The following ARIH1 variants were observed in gnomAD, a reference collection of about 807,000 sequenced individuals.
The protein encoded by ARIH1 is E3 ubiquitin-protein ligase ARIH1.
In ARIH1, 8 loss-of-function variants were observed where a neutral mutation model predicts 85.0. The observed-to-expected ratio is 0.09, with a 90% CI of 0.06 to 0.17. ARIH1 has a LOEUF of 0.17. ARIH1 is among the 10% of genes least tolerant of loss of function. ARIH1 has a pLI of 1.00. For synonymous variants in ARIH1, 238 were observed against 253.6 expected, an observed-to-expected ratio of 0.94 and a Z score of 0.59; for missense variants, 311 against 718.1, an observed-to-expected ratio of 0.43 and a Z score of 6.48.
intron 11 of ARIH1, among the ~76,000 whole-genome samples, chr15:72,576,717 G>A (rs1191673049): frequency 6.6e-6 from 1 of 151,754 alleles, no homozygotes; most frequent in East Asian, 1.9e-4. Flanking sequence ...TAGATACATT[G>A]TTGCTTTGAT....
At chr15:72,515,772 C>T (rs2063972318) in intron 1 of ARIH1, among the ~76,000 whole-genome samples, 1 of 152,158 alleles carries the variant, frequency 6.6e-6, no homozygotes, top group South Asian at 2.1e-4. Context: ...TGAAAGCCTC[C>T]CTTACACTTC....
In ARIH1 at chr15:72,590,450, C is replaced by T. The variant is rs917658217; in HGVS notation, c.*7158C>T. On this transcript the variant is annotated 3_prime_UTR_variant, in exon 14 of 14. Transcript: ENST00000379887. ...CTGTTCAGAAGTACTCAAAGTATTC[C>T]TTTTTTCTCACATTTGAGAGTCACT... The T allele has an allele frequency of 7.9e-5, 12 of 152,148 alleles. No homozygotes were observed. The highest frequency in any genetic ancestry group is 2.9e-4 in the African/African-American group (12 of 41,430). The allele number at this position is 152,148 out of a possible 1,614,324, so 9.4% of individuals were successfully genotyped here. A position where few individuals can be genotyped will look rare whatever the true frequency, so the allele number is the denominator to read the frequency against.
chr15:72,565,224 TTTTA>T (rs565915795), intron 7 of ARIH1, among the ~76,000 whole-genome samples: 168 of 152,082 alleles, frequency 1.1e-3, no homozygotes, highest in African/African-American at 3.9e-3. Context: ...CCTGGCTAAT[TTTTA>T]TTTATTTATT....
At chr15:72,485,620 T>C (rs955019210) in intron 1 of ARIH1, among the ~76,000 whole-genome samples, 4 of 152,188 alleles carry the variant, frequency 2.6e-5, no homozygotes, top group African/African-American at 9.7e-5. Flanking sequence ...TTGTTTTTTA[T>C]ATAACTATCA....
At chr15:72,566,309 T>C in intron 7 of ARIH1, 1 of 431,078 alleles carries the variant, frequency 2.3e-6, no homozygotes, top group Middle Eastern at 6.0e-4. Flanking sequence ...ACAATTATTA[T>C]GAAATTGTCA....
At chr15:72,491,520 C>CATAG (rs2063859323) in intron 1 of ARIH1, among the ~76,000 whole-genome samples, 1 of 152,116 alleles carries the variant, frequency 6.6e-6, no homozygotes, top group African/African-American at 2.4e-5. Context: ...GTTCCTGGAA[C>CATAG]ATAGCTGTTA....
At chr15:72,487,346 A>G (rs2063841659) in intron 1 of ARIH1, among the ~76,000 whole-genome samples, 1 of 152,210 alleles carries the variant, frequency 6.6e-6, no homozygotes, top group Admixed American at 6.5e-5. Context: ...AACTGGCTCT[A>G]ATTACCTGGT....
chr15:72,566,363 G>A (rs2064221045), intron 7 of ARIH1, 200 bp from the exon 8 acceptor site: 2 of 555,542 alleles, frequency 3.6e-6, no homozygotes, highest in Non-Finnish European at 6.3e-6. Flanking sequence ...CACACATATT[G>A]AGTACCCACT....
chr15:72,475,072 G>C (rs1257901493), intron 1 of ARIH1, 58 bp downstream of exon 1: 1 of 1,540,878 alleles, frequency 6.5e-7, no homozygotes, highest in South Asian at 1.2e-5. Flanking sequence ...GATTCAGGCG[G>C]CACGCGCGGT....
At chr15:72,581,931 C>T (rs910468422) in intron 12 of ARIH1, 144 bp from the exon 13 acceptor site, 16 of 533,884 alleles carry the variant, frequency 3.0e-5, no homozygotes, top group Admixed American at 1.4e-4. Flanking sequence ...GATGAAAGCC[C>T]ATAGAGCTTT....
At chr15:72,482,390 T>C (rs1326171935) in intron 1 of ARIH1, among the ~76,000 whole-genome samples, 1 of 152,218 alleles carries the variant, frequency 6.6e-6, no homozygotes, top group Non-Finnish European at 1.5e-5. Context: ...AATAAGTGGA[T>C]AGTAATAGAT....
intron 3 of ARIH1, among the ~76,000 whole-genome samples, chr15:72,549,903 T>A (rs905080828): frequency 6.6e-6 from 1 of 152,016 alleles, no homozygotes; most frequent in African/African-American, 2.4e-5. Context: ...GATAATATGA[T>A]CCCCTGGGAC....
At chr15:72,479,480 C>G (rs2063806683) in intron 1 of ARIH1, among the ~76,000 whole-genome samples, 1 of 151,590 alleles carries the variant, frequency 6.6e-6, no homozygotes, top group Non-Finnish European at 1.5e-5. Context: ...GTGATCTTGG[C>G]TCAGTGCAAC....
At position 72,580,877 on chromosome 15, in the gene ARIH1, G is replaced by A. The variant is rs1434910603; in HGVS notation, c.1362G>A (p.Glu454=). The change falls in exon 12 of 14, where the codon GAG becomes GAA. Residue 454 remains glutamate, a synonymous_variant. Coordinates refer to ENST00000379887, the MANE Select transcript of ARIH1 (RefSeq NM_005744.5). ...EMQQHNMSWI[E]VQFLKKAVDV... ...AGCAGCACAACATGTCCTGGATTGA[G>A]GTGCAGTTCCTGAAGAAGGCAGTTG... 6.2e-7 allele frequency: 1 copy of A among 1,614,144 alleles called. No homozygotes were observed. Among genetic ancestry groups the A allele is most frequent in the Admixed American group, 1.7e-5 (1 of 60,018 alleles).
intron 2 of ARIH1, among the ~76,000 whole-genome samples, chr15:72,535,161 C>T (rs983716315): frequency 1.3e-5 from 2 of 151,178 alleles, no homozygotes; most frequent in Admixed American, 6.6e-5. Flanking sequence ...CCGTGTTAGC[C>T]AGGATGGTCT....
At position 72,594,811 on chromosome 15, in the gene ARIH1, CTTTTTTTTTTTTTTTT is replaced by C. The variant is rs71137306; in HGVS notation, c.*11531_*11546del. 4 of 79,624 alleles carry C rather than the reference CTTTTTTTTTTTTTTTT, an allele frequency of 5.0e-5. No individual in the cohort carries two copies. In the South Asian group the frequency reaches 1.5e-3, roughly 29 times the overall value. The allele number at this position is 79,624 out of a possible 1,614,324, so 4.9% of individuals were successfully genotyped here. On this transcript the variant is annotated 3_prime_UTR_variant, in exon 14 of 14. Transcript: ENST00000379887. ...TTTTTCTGATTTTATGCCTTTTCTTCTTTTTTTTTTTTTTTTTTTTTTTTTTTGTCTTTCTCCACTG... is the reference window on the plus strand; with the variant it reads ...TTTTTCTGATTTTATGCCTTTTCTTCTTTTTTTTTTTGTCTTTCTCCACTG...
At chr15:72,583,110 TG>T in intron 13 of ARIH1, 97 bp from the exon 14 acceptor site, 1 of 907,070 alleles carries the variant, frequency 1.1e-6, no homozygotes, top group Non-Finnish European at 1.7e-6. Flanking sequence ...GTTCCGAGTC[TG>T]GATAAACTAT....
chr15:72,555,105 A>G (rs2064169415), intron 3 of ARIH1, among the ~76,000 whole-genome samples, 166 bp from the exon 4 acceptor site: 1 of 152,138 alleles, frequency 6.6e-6, no homozygotes, highest in Admixed American at 6.5e-5. Flanking sequence ...GTGTATCTGC[A>G]TGTCTAGATT....
At chr15:72,520,774 CTG>C (rs1428168018) in intron 2 of ARIH1, among the ~76,000 whole-genome samples, 2 of 152,116 alleles carry the variant, frequency 1.3e-5, no homozygotes, top group African/African-American at 2.4e-5. Flanking sequence ...AAGACAAAAA[CTG>C]TAGCATAAAT....
Sources: gnomAD v4.1 joint callset for allele counts (sites outside exome capture counted in the v4.1 genomes callset) on GRCh38, gnomAD v4.1.1 for gene constraint, MANE v1.5 for transcripts, NCBI Gene and HGNC (gene_info 2026-07-23, HGNC 2026-07-21) for gene names.